Variants in OPCML observed in about 807,000 individuals in gnomAD.
The protein encoded by OPCML is opioid binding protein/cell adhesion molecule like.
In OPCML, 13 loss-of-function variants were observed where a neutral mutation model predicts 37.8. The ratio of observed to expected loss-of-function variants is 0.34; its 90% CI spans 0.22 to 0.55. OPCML has a LOEUF of 0.55. Ranked by LOEUF, OPCML falls within the 20% of genes least tolerant of loss-of-function variation. The pLI is 0.91. For synonymous variants in OPCML, 176 were observed against 168.8 expected (o/e 1.04, Z -0.33); for missense variants, 341 against 435.6 (o/e 0.78, Z 1.93).
At chr11:133,016,358 A>G (rs1947335632) in intron 1 of OPCML, among the ~76,000 whole-genome samples, 1 of 152,078 alleles carries the variant, frequency 6.6e-6, no homozygotes, top group African/African-American at 2.4e-5. Context: ...GAAGTCCTTG[A>G]TTCCTTGATG....
At chr11:133,149,904 G>C (rs548700076) in intron 1 of OPCML, among the ~76,000 whole-genome samples, 2 of 152,320 alleles carry the variant, frequency 1.3e-5, no homozygotes, top group African/African-American at 4.8e-5. Flanking sequence ...TGCCAGAGTT[G>C]AGTCACTATC....
chr11:133,007,966 C>T (rs1947143541), intron 1 of OPCML: 2 of 985,446 alleles, frequency 2.0e-6, no homozygotes, highest in Non-Finnish European at 2.4e-6. Flanking sequence ...GCAGAGAATT[C>T]CATGAGGACA....
intron 3 of OPCML, among the ~76,000 whole-genome samples, chr11:132,637,167 C>A (rs896332429): frequency 1.3e-5 from 2 of 150,920 alleles, no homozygotes; most frequent in Non-Finnish European, 2.9e-5. Flanking sequence ...GAATTTGAAG[C>A]TGAATTTTTC....
At chr11:132,760,857 A>G (rs1383148478) in intron 2 of OPCML, among the ~76,000 whole-genome samples, 1 of 152,042 alleles carries the variant, frequency 6.6e-6, no homozygotes, top group Non-Finnish European at 1.5e-5. Flanking sequence ...CTAACTGGTT[A>G]TTTTGCCCAT....
intron 1 of OPCML, among the ~76,000 whole-genome samples, chr11:133,446,570 G>A (rs372306075): frequency 2.4e-4 from 36 of 152,098 alleles, no homozygotes; most frequent in African/African-American, 7.7e-4. Context: ...GACTATAGGC[G>A]TGCACCACCA....
chr11:132,858,460 A>C (rs886239465), intron 2 of OPCML, among the ~76,000 whole-genome samples: 1 of 152,158 alleles, frequency 6.6e-6, no homozygotes, highest in Non-Finnish European at 1.5e-5. Flanking sequence ...AATGATACTT[A>C]CATTGCTGAA....
At chr11:132,975,063 T>C (rs931760414) in intron 1 of OPCML, among the ~76,000 whole-genome samples, 2 of 151,968 alleles carry the variant, frequency 1.3e-5, no homozygotes, top group Non-Finnish European at 2.9e-5. Flanking sequence ...AACTCATTCA[T>C]TCTTTCTCTC....
chr11:133,006,736 G>A (rs1476545910), intron 1 of OPCML: 32 of 985,332 alleles, frequency 3.2e-5, no homozygotes, highest in Non-Finnish European at 3.5e-5. Flanking sequence ...GCACTGTGAG[G>A]TGTGAACACC....
At chr11:132,636,444 C>T (rs1310674720) in intron 3 of OPCML, among the ~76,000 whole-genome samples, 1 of 152,154 alleles carries the variant, frequency 6.6e-6, no homozygotes, top group Non-Finnish European at 1.5e-5. Flanking sequence ...AACACAGGGC[C>T]TAGAATATAA....
At chr11:133,430,247 A>G (rs1049910038) in intron 1 of OPCML, among the ~76,000 whole-genome samples, 137 of 152,204 alleles carry the variant, frequency 9.0e-4, no homozygotes, top group African/African-American at 3.2e-3. Flanking sequence ...TCTAAAAACT[A>G]CAATGGGTTT....
At chr11:133,081,053 G>C (rs1417383654) in intron 1 of OPCML, among the ~76,000 whole-genome samples, 1 of 152,176 alleles carries the variant, frequency 6.6e-6, no homozygotes, top group African/African-American at 2.4e-5. Flanking sequence ...TAAATTGGAA[G>C]TGTTAGAATT....
At chr11:133,386,278 A>G (rs1945048433) in intron 1 of OPCML, among the ~76,000 whole-genome samples, 1 of 152,228 alleles carries the variant, frequency 6.6e-6, no homozygotes, top group Non-Finnish European at 1.5e-5. Flanking sequence ...TAACATTTAA[A>G]TTAGTGAATG....
At chr11:133,378,904 T>C (rs2136774579) in intron 1 of OPCML, among the ~76,000 whole-genome samples, 1 of 152,100 alleles carries the variant, frequency 6.6e-6, no homozygotes, top group South Asian at 2.1e-4. Context: ...ATCATGCCCA[T>C]CTAAATTTTT....
chr11:132,485,766 A>G (rs920317524), intron 4 of OPCML, among the ~76,000 whole-genome samples: 1 of 152,218 alleles, frequency 6.6e-6, no homozygotes, highest in Non-Finnish European at 1.5e-5. Flanking sequence ...TATTCCATGG[A>G]TGAATACAGC....
chr11:132,921,770 T>C (rs1944812105), intron 2 of OPCML, among the ~76,000 whole-genome samples: 1 of 152,210 alleles, frequency 6.6e-6, no homozygotes, highest in Non-Finnish European at 1.5e-5. Context: ...GCTGCAGTCA[T>C]CTTGTAGCCA....
chr11:133,318,869 T>C (rs936391236), intron 1 of OPCML, among the ~76,000 whole-genome samples: 1 of 151,946 alleles, frequency 6.6e-6, no homozygotes, highest in African/African-American at 2.4e-5. Flanking sequence ...AAACCCCATC[T>C]CTACTAAAAA....
chr11:133,149,890 G>A (rs181966743), intron 1 of OPCML, among the ~76,000 whole-genome samples: 1 of 152,208 alleles, frequency 6.6e-6, no homozygotes, highest in Non-Finnish European at 1.5e-5. Context: ...CAGGGAGGTG[G>A]TTATGCCAGA....
chr11:133,186,717 C>T (rs1377276879), intron 1 of OPCML, among the ~76,000 whole-genome samples: 2 of 152,142 alleles, frequency 1.3e-5, no homozygotes, highest in Non-Finnish European at 2.9e-5. Context: ...ATGGAACATG[C>T]AAAGATCCTT....
intron 1 of OPCML, among the ~76,000 whole-genome samples, chr11:133,185,873 A>C (rs1429355755): frequency 6.6e-6 from 1 of 152,204 alleles, no homozygotes; most frequent in African/African-American, 2.4e-5. Context: ...ATTCTGTGAA[A>C]AGCATGAGGT....
Sources: allele counts gnomAD v4.1 joint callset (sites outside exome capture counted in the v4.1 genomes callset), GRCh38; gene constraint gnomAD v4.1.1; transcripts MANE v1.5; gene names NCBI Gene and HGNC (gene_info 2026-07-23, HGNC 2026-07-21).